The following PPP1R12B variants were observed in gnomAD, a reference collection of about 807,000 sequenced individuals.
The protein encoded by PPP1R12B is myosin phosphatase target subunit 2.
A neutral mutation model predicts 126.1 loss-of-function variants in PPP1R12B; 76 were observed. The ratio of observed to expected loss-of-function variants is 0.60; its 90% CI spans 0.50 to 0.73. The LOEUF is 0.73. Among genes scored for constraint, PPP1R12B ranks in the 30% least tolerant of loss-of-function variants. The probability of loss-of-function intolerance (pLI) is 0.00; values close to 1 mark genes in which losing one functional copy is unlikely to be tolerated. For missense variants in PPP1R12B, 1,052 were observed against 1,205.1 expected (o/e 0.87, Z 1.88); for synonymous variants, 356 against 434.7 (o/e 0.82, Z 2.25).
rs531915576 is a variant in PPP1R12B, at chr1:202,371,354, AT to A, written c.291+22219del. Among the ~76,000 whole-genome samples, 486 of 151,258 alleles carry A rather than the reference AT, an allele frequency of 3.2e-3. 4 individuals are homozygous for A. The highest frequency in any genetic ancestry group is 0.011 in the African/African-American group (464 of 41,192). ...TGTTGATATTTAATATTGTCAGTGC[AT>A]TTTTTTCCTTTTCTTTTTAATATTA... On this transcript the variant is annotated intron_variant, in intron 1 of 23. Transcript: ENST00000608999.
intron 18 of PPP1R12B, among the ~76,000 whole-genome samples, chr1:202,546,034 C>T (rs941821701): frequency 4.6e-5 from 7 of 152,120 alleles, no homozygotes; most frequent in African/African-American, 1.7e-4. Context: ...CTCAGAATTG[C>T]ATATTAGAGA....
rs74860606 is a variant in PPP1R12B at position 202,377,832 on chromosome 1, G to GTTTTTTTTTTTT, written c.291+28706_291+28717dup. The stretch of plus-strand genomic sequence containing the variant: ...GGAGAAAGAAAGGTCAAAGACAGGT[G>GTTTTTTTTTTTT]TTTTTTTTTTTTTTTTTTTTTTTTT... On this transcript the variant is annotated intron_variant, in intron 1 of 23. Transcript: ENST00000608999. 1.0e-4 allele frequency among the ~76,000 whole-genome samples: 10 copies of GTTTTTTTTTTTT among 97,306 alleles called. 3 individuals are homozygous for GTTTTTTTTTTTT. Among genetic ancestry groups the GTTTTTTTTTTTT allele is most frequent in the African/African-American group, 5.0e-4 (10 of 20,140 alleles). The allele number at this position is 97,306 out of a possible 152,430, so 63.8% of individuals were successfully genotyped here. A position where few individuals can be genotyped will look rare whatever the true frequency, so the allele number is the denominator to read the frequency against.
chr1:202,442,606 T>C (rs1210638034), intron 12 of PPP1R12B, 34 bp downstream of exon 12: 2 of 1,586,130 alleles, frequency 1.3e-6, no homozygotes, highest in Non-Finnish European at 1.7e-6. Context: ...AGATGTTTCT[T>C]TCACTCTAGC....
At chr1:202,496,871 C>T (rs1679631120) in intron 18 of PPP1R12B, 49 bp downstream of exon 18, 1 of 1,544,878 alleles carries the variant, frequency 6.5e-7, no homozygotes, top group African/African-American at 1.4e-5. Context: ...CAGTCTTGCT[C>T]TTGTATGTAA....
At chr1:202,561,684 A>G (rs978032737) in intron 19 of PPP1R12B, among the ~76,000 whole-genome samples, 1 of 152,232 alleles carries the variant, frequency 6.6e-6, no homozygotes, top group Non-Finnish European at 1.5e-5. Flanking sequence ...AGGAAACTCA[A>G]TAAAGAGATT....
At chr1:202,448,902 T>C (rs1672587980) in intron 12 of PPP1R12B, 87 bp from the exon 13 acceptor site, 12 of 1,389,860 alleles carry the variant, frequency 8.6e-6, no homozygotes, top group Non-Finnish European at 1.1e-5. Flanking sequence ...GATGAACCAC[T>C]CTTTAATCCT....
intron 1 of PPP1R12B, among the ~76,000 whole-genome samples, chr1:202,390,141 G>A (rs1663900638): frequency 6.6e-6 from 1 of 152,138 alleles, no homozygotes; most frequent in Non-Finnish European, 1.5e-5. Flanking sequence ...TGCAACTATG[G>A]TCAACTGATA....
intron 13 of PPP1R12B, 91 bp downstream of exon 13, chr1:202,449,262 A>G (rs1438585288): frequency 1.4e-6 from 2 of 1,463,162 alleles, no homozygotes; most frequent in African/African-American, 2.9e-5. Context: ...AATTTCAAAT[A>G]CGTTTATGAA....
chr1:202,512,752 C>T (rs953688171), intron 18 of PPP1R12B, among the ~76,000 whole-genome samples: 3 of 152,108 alleles, frequency 2.0e-5, no homozygotes, highest in African/African-American at 7.2e-5. Flanking sequence ...ATGGTATTTT[C>T]ATTCTCTAGA....
intron 1 of PPP1R12B, among the ~76,000 whole-genome samples, chr1:202,399,323 C>T (rs974867629): frequency 2.6e-5 from 4 of 152,058 alleles, no homozygotes; most frequent in African/African-American, 4.8e-5. Context: ...TGGGCCTAAG[C>T]GATCCCCCTG....
chr1:202,524,484 G>A (rs1256524242), intron 18 of PPP1R12B, among the ~76,000 whole-genome samples: 1 of 152,144 alleles, frequency 6.6e-6, no homozygotes, highest in African/African-American at 2.4e-5. Flanking sequence ...AGTGTACACT[G>A]TACCCAATGT....
intron 18 of PPP1R12B, among the ~76,000 whole-genome samples, chr1:202,512,467 A>T (rs1041682695): frequency 3.3e-5 from 5 of 152,342 alleles, no homozygotes; most frequent in African/African-American, 4.8e-5. Context: ...TTGGCTTTGG[A>T]GCCAGAAGAC....
intron 4 of PPP1R12B, 69 bp downstream of exon 4, chr1:202,425,794 G>A (rs1669425668): frequency 3.4e-6 from 5 of 1,451,720 alleles, no homozygotes; most frequent in Non-Finnish European, 3.8e-6. Flanking sequence ...GGAAGCAGAG[G>A]CTGAATTAGA....
chr1:202,436,706 T>G (rs1670867833), intron 9 of PPP1R12B, among the ~76,000 whole-genome samples: 1 of 152,224 alleles, frequency 6.6e-6, no homozygotes, highest in Non-Finnish European at 1.5e-5. Flanking sequence ...CCATAAAGCT[T>G]TCTTTTCTGA....
chr1:202,433,768 A>T (rs1670472770), intron 8 of PPP1R12B, among the ~76,000 whole-genome samples: 1 of 152,314 alleles, frequency 6.6e-6, no homozygotes, highest in South Asian at 2.1e-4. Context: ...GCTGAAAGGA[A>T]ATGGGCCACC....
chr1:202,458,745 C>G (rs1410385592), intron 13 of PPP1R12B, among the ~76,000 whole-genome samples: 1 of 152,184 alleles, frequency 6.6e-6, no homozygotes, highest in Admixed American at 6.5e-5. Context: ...TAATTCTACT[C>G]TTGAAGCTGC....
intron 1 of PPP1R12B, among the ~76,000 whole-genome samples, chr1:202,382,003 G>T (rs1662357735): frequency 1.3e-5 from 2 of 152,116 alleles, no homozygotes; most frequent in African/African-American, 4.8e-5. Context: ...ATTCACAATA[G>T]CAAAGACGTG....
chr1:202,394,860 C>T (rs977593595), intron 1 of PPP1R12B, among the ~76,000 whole-genome samples: 8 of 151,986 alleles, frequency 5.3e-5, no homozygotes, highest in Non-Finnish European at 8.8e-5. Context: ...TGGTGGTTTA[C>T]GCCTACAATC....
intron 18 of PPP1R12B, among the ~76,000 whole-genome samples, chr1:202,531,615 G>A (rs1683955968): frequency 6.6e-6 from 1 of 152,176 alleles, no homozygotes; most frequent in African/African-American, 2.4e-5. Flanking sequence ...GAAAATGACT[G>A]CCCTGTTCCA....
Sources: gnomAD v4.1 joint callset for allele counts (sites outside exome capture counted in the v4.1 genomes callset) on GRCh38, gnomAD v4.1.1 for gene constraint, MANE v1.5 for transcripts, NCBI Gene and HGNC (gene_info 2026-07-23, HGNC 2026-07-21) for gene names.